Variants in PNOC observed in about 807,000 individuals in gnomAD.
The protein encoded by PNOC is prepronociceptin.
PNOC carries 10 observed loss-of-function variants against 15.6 expected under a neutral mutation model. That is an observed-to-expected ratio of 0.64 (90% CI 0.40 to 1.09). The LOEUF (loss-of-function observed/expected upper bound fraction) is 1.09, where lower values mean the gene tolerates loss of function less well. Ranked by LOEUF, PNOC falls within the 50% of genes least tolerant of loss-of-function variation. The probability of loss-of-function intolerance (pLI) is 0.01; values close to 1 mark genes in which losing one functional copy is unlikely to be tolerated. For missense variants in PNOC, 220 were observed against 223.9 expected, an observed-to-expected ratio of 0.98 and a Z score of 0.11; for synonymous variants, 98 against 88.5, an observed-to-expected ratio of 1.11 and a Z score of -0.60.
chr8:28,340,434 T>C (rs906206389), intron 3 of PNOC, among the ~76,000 whole-genome samples: 1 of 152,190 alleles, frequency 6.6e-6, no homozygotes, highest in Non-Finnish European at 1.5e-5. Context: ...TATCAACCAA[T>C]ACATCACTTT....
chr8:28,340,885 C>T (rs989700553), intron 3 of PNOC, among the ~76,000 whole-genome samples: 1 of 152,186 alleles, frequency 6.6e-6, no homozygotes, highest in Admixed American at 6.5e-5. Flanking sequence ...AGGATCCACC[C>T]CCATGACCCA....
chr8:28,328,210 A>G (rs934193529), intron 1 of PNOC, among the ~76,000 whole-genome samples: 3 of 151,624 alleles, frequency 2.0e-5, no homozygotes, highest in African/African-American at 7.3e-5. Context: ...TAGGATTACA[A>G]GTGTGTACCA....
intron 2 of PNOC, among the ~76,000 whole-genome samples, chr8:28,330,300 C>T (rs115155055): frequency 1.1e-3 from 173 of 151,974 alleles, no homozygotes; most frequent in African/African-American, 4.0e-3. Context: ...TATCCTGAAA[C>T]CAATCCCCTG....
intron 1 of PNOC, among the ~76,000 whole-genome samples, chr8:28,320,383 G>A (rs1393603006): frequency 1.3e-5 from 2 of 152,046 alleles, no homozygotes; most frequent in Non-Finnish European, 2.9e-5. Context: ...AGTGCCAGGA[G>A]CACAGGGTGG....
intron 1 of PNOC, among the ~76,000 whole-genome samples, chr8:28,319,819 G>C (rs1345501068): frequency 6.6e-6 from 1 of 152,184 alleles, no homozygotes; most frequent in African/African-American, 2.4e-5. Flanking sequence ...CTCAGAAAAC[G>C]GGAGCCGTCC....
chr8:28,325,685 AAG>A lies in PNOC; in HGVS notation c.-23-3448_-23-3447del, dbSNP rs1230205042. On this transcript the variant is annotated intron_variant, in intron 1 of 3. Coordinates refer to ENST00000301908, the MANE Select transcript of PNOC (RefSeq NM_006228.5). Reference sequence around the variant, plus strand: ...AAAAAAGAAAAAGAAAAAAAAAAAAAAGAAAGACATTAAGAGGCTGATACAGT... The same window carrying A: ...AAAAAAGAAAAAGAAAAAAAAAAAAAAAAGACATTAAGAGGCTGATACAGT... Among the ~76,000 whole-genome samples the A allele has an allele frequency of 2.5e-3, 351 of 140,780 alleles. 7 individuals are homozygous for A. Among genetic ancestry groups the A allele is most frequent in the Middle Eastern group, 0.018 (5 of 282 alleles). 92.4% of individuals were successfully genotyped at this position (140,780 alleles called of 152,430 possible).
Position 28,332,616 on chromosome 8 carries a change from A to G in PNOC, c.126+3333A>G, listed in dbSNP as rs1040584231. The stretch of plus-strand genomic sequence containing the variant: ...GTTGTTTTAGAGACAAAAATAAGGC[A>G]ACCAATCCCAAGAAAGAGTGTGGGG... On this transcript the variant is annotated intron_variant, in intron 2 of 3. Coordinates refer to ENST00000301908, the MANE Select transcript of PNOC (RefSeq NM_006228.5). Among the ~76,000 whole-genome samples, 9 of 152,196 alleles carry G rather than the reference A, an allele frequency of 5.9e-5. No homozygotes were observed. The East Asian group carries it at 9.6e-4, about 16-fold the overall frequency.
chr8:28,326,501 T>C (rs931056500), intron 1 of PNOC, among the ~76,000 whole-genome samples: 2 of 152,182 alleles, frequency 1.3e-5, no homozygotes, highest in African/African-American at 2.4e-5. Context: ...GTCCTTCTCA[T>C]ACCAGCACTT....
intron 2 of PNOC, among the ~76,000 whole-genome samples, chr8:28,330,400 T>TTATTTTTTTTTTTTTTTTA (rs1554517540): frequency 3.9e-5 from 4 of 102,228 alleles, no homozygotes; most frequent in Admixed American, 1.0e-4. Flanking sequence ...TATTTTATTT[T>TTATTTTTTTTTTTTTTTTA]TTTTTTTTTT....
chr8:28,320,889 G>T (rs1031097508), intron 1 of PNOC, among the ~76,000 whole-genome samples: 5 of 150,650 alleles, frequency 3.3e-5, no homozygotes, highest in Non-Finnish European at 7.4e-5. Context: ...TTTGAAGATT[G>T]TTGTCCTAGA....
chr8:28,318,032 A>C (rs1487438339), intron 1 of PNOC, among the ~76,000 whole-genome samples: 1 of 151,756 alleles, frequency 6.6e-6, no homozygotes, highest in Non-Finnish European at 1.5e-5. Context: ...CTTGCTTGGC[A>C]TCCCTCTCCC....
intron 2 of PNOC, among the ~76,000 whole-genome samples, chr8:28,331,626 C>G (rs1280019149): frequency 1.3e-5 from 2 of 152,224 alleles, no homozygotes; most frequent in Non-Finnish European, 2.9e-5. Context: ...GAAATCCTGC[C>G]TTCTCTTCCT....
intron 1 of PNOC, among the ~76,000 whole-genome samples, chr8:28,327,740 T>C (rs1161848258): frequency 1.3e-5 from 2 of 152,088 alleles, no homozygotes; most frequent in African/African-American, 4.8e-5. Flanking sequence ...AGTCTTGAAC[T>C]CCTGACCTCT....
chr8:28,332,931 A>T (rs1801351984), intron 2 of PNOC, among the ~76,000 whole-genome samples: 1 of 152,218 alleles, frequency 6.6e-6, no homozygotes, highest in Non-Finnish European at 1.5e-5. Flanking sequence ...AGCCTGGGGG[A>T]CAAAGTAAGA....
rs141149911 is a variant in PNOC at position 28,320,272 on chromosome 8, A to T, written c.-24+2956A>T. Among the ~76,000 whole-genome samples, 509 of 147,618 alleles carry T rather than the reference A, an allele frequency of 3.4e-3. 2 individuals are homozygous for T. The highest frequency in any genetic ancestry group is 0.011 in the African/African-American group (452 of 40,290). On this transcript the variant is annotated intron_variant, in intron 1 of 3. Transcript: ENST00000301908. Reference sequence around the variant, plus strand: ...CAGATCCAACCTCCCCTCTTTCCACACTGGCCTGCAATCTTCCCCCCACCC... The same window carrying T: ...CAGATCCAACCTCCCCTCTTTCCACTCTGGCCTGCAATCTTCCCCCCACCC...
intron 2 of PNOC, among the ~76,000 whole-genome samples, chr8:28,337,581 CTTT>C (rs10685321): frequency 8.5e-6 from 1 of 117,148 alleles, no homozygotes; most frequent in Non-Finnish European, 1.7e-5. Context: ...ATTACGTTTC[CTTT>C]TTTTTTTTTT....
rs769303741 is a variant in PNOC at position 28,329,334 on chromosome 8, C to G, written c.126+51C>G. 6.9e-6 allele frequency: 11 copies of G among 1,601,128 alleles called. No homozygotes were observed. In the Admixed American group the frequency reaches 8.3e-5, roughly 12 times the overall value. The stretch of plus-strand genomic sequence containing the variant: ...GGCTGTCCTCCTCCCTGACTACCTC[C>G]TCCCTCCCTACTCCAGAGCAGACTC... On this transcript the variant is annotated intron_variant, in intron 2 of 3. Coordinates refer to ENST00000301908, the MANE Select transcript of PNOC (RefSeq NM_006228.5).
At chr8:28,332,621 A>G (rs548200384) in intron 2 of PNOC, among the ~76,000 whole-genome samples, 1 of 152,340 alleles carries the variant, frequency 6.6e-6, no homozygotes, top group South Asian at 2.1e-4. Flanking sequence ...AAGGCAACCA[A>G]TCCCAAGAAA....
At chr8:28,320,691 A>C (rs753720913) in intron 1 of PNOC, among the ~76,000 whole-genome samples, 12 of 152,006 alleles carry the variant, frequency 7.9e-5, no homozygotes. Flanking sequence ...TCTACTAAAA[A>C]TACAAAAAAA....
Sources: allele counts gnomAD v4.1 joint callset (sites outside exome capture counted in the v4.1 genomes callset), GRCh38; gene constraint gnomAD v4.1.1; transcripts MANE v1.5; gene names NCBI Gene and HGNC (gene_info 2026-07-23, HGNC 2026-07-21).